Variants in DLGAP2 observed in about 807,000 individuals in gnomAD.
DLGAP2 encodes the protein DLG associated protein 2, also known as disks large-associated protein 2.
DLGAP2 carries 26 observed loss-of-function variants against 100.3 expected under a neutral mutation model. The observed-to-expected ratio is 0.26, with a 90% CI of 0.19 to 0.36. The LOEUF is 0.36. Among genes scored for constraint, DLGAP2 ranks in the 10% least tolerant of loss-of-function variants. The pLI is 1.00. For synonymous variants in DLGAP2, 886 were observed against 630.1 expected, an observed-to-expected ratio of 1.41 and a Z score of -6.08; for missense variants, 1,858 against 1,453.2, an observed-to-expected ratio of 1.28 and a Z score of -4.53.
chr8:1,537,466 C>G (rs1352634230), intron 4 of DLGAP2, among the ~76,000 whole-genome samples: 1 of 152,094 alleles, frequency 6.6e-6, no homozygotes, highest in Non-Finnish European at 1.5e-5. Context: ...TGCCTGCCAC[C>G]ACCACCCTGC....
At chr8:927,638 G>A (rs1288836788) in intron 2 of DLGAP2, among the ~76,000 whole-genome samples, 1 of 152,170 alleles carries the variant, frequency 6.6e-6, no homozygotes, top group Non-Finnish European at 1.5e-5. Flanking sequence ...GCACCGTGGG[G>A]TAGGGTATGG....
At chr8:888,898 G>C (rs539884585) in intron 1 of DLGAP2, among the ~76,000 whole-genome samples, 3 of 152,134 alleles carry the variant, frequency 2.0e-5, no homozygotes, top group Middle Eastern at 3.2e-3. Flanking sequence ...CGTGTGAAGA[G>C]ACCACCAAAC....
chr8:917,015 G>A (rs1563094216), intron 2 of DLGAP2, among the ~76,000 whole-genome samples: 1 of 152,244 alleles, frequency 6.6e-6, no homozygotes. Context: ...TTCCTGGGAA[G>A]AGAAGAAGGT....
chr8:1,240,139 G>GTC, intron 2 of DLGAP2, among the ~76,000 whole-genome samples: 1 of 138,710 alleles, frequency 7.2e-6, no homozygotes, highest in Non-Finnish European at 1.5e-5. Flanking sequence ...GGTGCCATGT[G>GTC]TAGTTCTCTC....
chr8:1,094,689 A>T (rs111759971), intron 2 of DLGAP2, among the ~76,000 whole-genome samples: 3,562 of 152,158 alleles, frequency 0.023, 80 homozygotes, highest in Non-Finnish European at 0.035. Flanking sequence ...GTCTTTATTG[A>T]CCGTGCAGCG....
intron 2 of DLGAP2, among the ~76,000 whole-genome samples, chr8:1,205,082 CTG>C (rs1797960962): frequency 6.6e-6 from 1 of 152,148 alleles, no homozygotes; most frequent in Non-Finnish European, 1.5e-5. Context: ...GTTGGGTTTC[CTG>C]TGTTTCCTGT....
chr8:1,063,986 A>T (rs1373643952), intron 2 of DLGAP2, among the ~76,000 whole-genome samples: 1 of 152,176 alleles, frequency 6.6e-6, no homozygotes, highest in South Asian at 2.1e-4. Flanking sequence ...CATGCCATTC[A>T]TACATTTATA....
At chr8:743,592 C>T (rs1009819326) in intron 1 of DLGAP2, among the ~76,000 whole-genome samples, 12 of 152,182 alleles carry the variant, frequency 7.9e-5, no homozygotes, top group Non-Finnish European at 1.5e-4. Flanking sequence ...TAGAGACGGT[C>T]TCACTCCTGT....
rs373463362 is a variant in DLGAP2, at chr8:995,445, C to G, written c.73+87479C>G. 5.7e-4 allele frequency among the ~76,000 whole-genome samples: 87 copies of G among 152,286 alleles called. 1 individual carries two copies. The highest frequency in any genetic ancestry group is 2.0e-3 in the African/African-American group (84 of 41,572). ...AACAGTGATTTATATTCCACACAATCAAAAACCAAGTCTCATTATGATTTA... is the reference window on the plus strand; with the variant it reads ...AACAGTGATTTATATTCCACACAATGAAAAACCAAGTCTCATTATGATTTA... On this transcript the variant is annotated intron_variant, in intron 2 of 14. Transcript: ENST00000637795.
At chr8:1,107,671 G>T (rs1260433575) in intron 2 of DLGAP2, among the ~76,000 whole-genome samples, 2 of 152,218 alleles carry the variant, frequency 1.3e-5, no homozygotes, top group East Asian at 1.9e-4. Flanking sequence ...TATTTCCCCT[G>T]CTCTTCCCTG....
At chr8:1,337,196 ATGGTGATGATGG>A (rs1317369889) in intron 3 of DLGAP2, among the ~76,000 whole-genome samples, 2 of 67,670 alleles carry the variant, frequency 3.0e-5, no homozygotes, top group Non-Finnish European at 5.6e-5. Context: ...GGTGAGAATG[ATGGTGATGATGG>A]TGATGATGAT....
rs559599172 is a variant in DLGAP2 at position 1,496,584 on chromosome 8, C to G, written c.107-4782C>G. On this transcript the variant is annotated intron_variant, in intron 3 of 14. Transcript: ENST00000637795. ...ACTGAGCAAAGGAAGGCAAACGTGG[C>G]GCACCCAGCACAGTGATCACGGCGC... is the stretch of plus-strand genomic sequence containing the variant. 1.5e-3 allele frequency among the ~76,000 whole-genome samples: 231 copies of G among 152,240 alleles called. 1 individual carries two copies. Among genetic ancestry groups the G allele is most frequent in the Non-Finnish European group, 2.5e-3 (169 of 68,000 alleles).
intron 3 of DLGAP2, among the ~76,000 whole-genome samples, chr8:1,380,636 G>T (rs898122229): frequency 2.0e-5 from 3 of 152,118 alleles, no homozygotes; most frequent in Non-Finnish European, 2.9e-5. Flanking sequence ...ACTCCAAATT[G>T]CTTCTGAAAT....
intron 3 of DLGAP2, among the ~76,000 whole-genome samples, chr8:1,463,386 G>A (rs56740137): frequency 0.025 from 3,868 of 152,328 alleles, 140 homozygotes; most frequent in African/African-American, 0.087. Flanking sequence ...TGAACTGACA[G>A]AGAAAGCCAC....
At chr8:1,021,665 T>C (rs1801625995) in intron 2 of DLGAP2, among the ~76,000 whole-genome samples, 1 of 152,162 alleles carries the variant, frequency 6.6e-6, no homozygotes, top group Non-Finnish European at 1.5e-5. Context: ...AAAGACTCCA[T>C]GAGACTTCAG....
chr8:860,536 C>T (rs1438715509), intron 1 of DLGAP2, among the ~76,000 whole-genome samples: 3 of 152,230 alleles, frequency 2.0e-5, no homozygotes, highest in African/African-American at 7.2e-5. Context: ...TCCCGGCAAA[C>T]CGTCTGCATT....
intron 3 of DLGAP2, among the ~76,000 whole-genome samples, chr8:1,385,888 C>G (rs889673979): frequency 6.6e-6 from 1 of 152,240 alleles, no homozygotes; most frequent in African/African-American, 2.4e-5. Context: ...GTGCCCGGCC[C>G]CTGAGAACTT....
intron 2 of DLGAP2, among the ~76,000 whole-genome samples, chr8:1,056,806 C>T (rs1167492741): frequency 6.6e-6 from 1 of 152,246 alleles, no homozygotes; most frequent in Non-Finnish European, 1.5e-5. Flanking sequence ...GCACTTACAT[C>T]AGACCAGCTG....
intron 2 of DLGAP2, among the ~76,000 whole-genome samples, chr8:1,182,857 G>C (rs867734867): frequency 2.0e-5 from 3 of 152,218 alleles, no homozygotes; most frequent in South Asian, 4.1e-4. Flanking sequence ...CAGCCTGTGG[G>C]ATCGGCAGCA....
Sources: gnomAD v4.1 joint callset for allele counts (sites outside exome capture counted in the v4.1 genomes callset) on GRCh38, gnomAD v4.1.1 for gene constraint, MANE v1.5 for transcripts, NCBI Gene and HGNC (gene_info 2026-07-23, HGNC 2026-07-21) for gene names.